UNC79: variants seen among roughly 807,000 people sequenced by gnomAD.
The protein encoded by UNC79 is protein unc-79 homolog.
In UNC79, 37 loss-of-function variants were observed where a neutral mutation model predicts 283.1. The ratio of observed to expected loss-of-function variants is 0.13; its 90% CI spans 0.10 to 0.17. UNC79 has a LOEUF of 0.17. UNC79 is among the 10% of genes least tolerant of loss of function. The pLI, the probability that UNC79 is intolerant of heterozygous loss-of-function variation, is 1.00. For missense variants in UNC79, 2,272 were observed against 3,211.1 expected, an observed-to-expected ratio of 0.71 and a Z score of 7.07; for synonymous variants, 1,107 against 1,200.2, an observed-to-expected ratio of 0.92 and a Z score of 1.61.
chr14:93,618,222 A>G, exon 29 of UNC79: 2 of 1,613,858 alleles, frequency 1.2e-6, no homozygotes, highest in Non-Finnish European at 1.7e-6. Context: ...TATCAGCAAG[A>G]TCCTGCTGCA....
At chr14:93,529,265 G>A in intron 9 of UNC79, 21 bp from the exon 10 acceptor site, 3 of 1,612,728 alleles carry the variant, frequency 1.9e-6, no homozygotes, top group Non-Finnish European at 2.5e-6. Context: ...GCTCAAAAAT[G>A]AATTTTGTTT....
chr14:93,584,060 G>A (rs1165195546), intron 20 of UNC79, among the ~76,000 whole-genome samples: 1 of 152,044 alleles, frequency 6.6e-6, no homozygotes, highest in Non-Finnish European at 1.5e-5. Context: ...ACCCGTCTCG[G>A]CCTCCCAAAG....
At chr14:93,705,347 CAAAAAAAAAAA>C (rs71129656) in intron 48 of UNC79, among the ~76,000 whole-genome samples, 2 of 87,520 alleles carry the variant, frequency 2.3e-5, no homozygotes, top group South Asian at 4.1e-4. Flanking sequence ...CCCAGTCTCT[CAAAAAAAAAAA>C]AAAAAAAAAA....
chr14:93,532,583 G>A lies in UNC79; in HGVS notation c.1122+5G>A, dbSNP rs1469274931. On this transcript the variant is annotated splice_donor_5th_base_variant and intron_variant, in intron 11 of 48. Coordinates refer to ENST00000555664, the Ensembl canonical transcript of UNC79. ...TCTGCTATATGTCAGAAAAAGGTAAGAGCAAACCATTTGTGTCGTTGGGGC... is the reference window on the plus strand; with the variant it reads ...TCTGCTATATGTCAGAAAAAGGTAAAAGCAAACCATTTGTGTCGTTGGGGC... The A allele has an allele frequency of 6.2e-7, 1 of 1,610,888 alleles. No individual in the cohort carries two copies. The highest frequency in any genetic ancestry group is 8.5e-7 in the Non-Finnish European group (1 of 1,178,340).
intron 26 of UNC79, among the ~76,000 whole-genome samples, chr14:93,606,407 A>C (rs534412911): frequency 6.7e-4 from 102 of 152,378 alleles, no homozygotes; most frequent in Non-Finnish European, 1.2e-3. Flanking sequence ...GGCTCAGTTT[A>C]TAAGGCAATT....
intron 38 of UNC79, among the ~76,000 whole-genome samples, chr14:93,658,249 T>C (rs2071167050): frequency 6.6e-6 from 1 of 152,348 alleles, no homozygotes; most frequent in African/African-American, 2.4e-5. Context: ...CATCAGTTTA[T>C]AGAAGCAGAT....
chr14:93,466,909 G>A (rs1377565815), intron 1 of UNC79: 1 of 985,372 alleles, frequency 1.0e-6, no homozygotes, highest in African/African-American at 1.7e-5. Flanking sequence ...GGTAGGTCTA[G>A]GAGGGTAAAT....
chr14:93,498,878 AAATG>A (rs1337695806), intron 7 of UNC79, among the ~76,000 whole-genome samples: 1 of 152,112 alleles, frequency 6.6e-6, no homozygotes, highest in Non-Finnish European at 1.5e-5. Context: ...AATTTTCTGA[AAATG>A]AGAGAGAGAG....
At chr14:93,554,586 A>G (rs760180346) in intron 14 of UNC79, among the ~76,000 whole-genome samples, 25 of 152,290 alleles carry the variant, frequency 1.6e-4, no homozygotes, top group Admixed American at 7.2e-4. Flanking sequence ...GGAAAACCCT[A>G]TTATTCTGAC....
chr14:93,351,979 GTATTTGAC>G (rs1278701266), intron 1 of UNC79, among the ~76,000 whole-genome samples: 2 of 152,186 alleles, frequency 1.3e-5, no homozygotes, highest in Non-Finnish European at 1.5e-5. Context: ...CACCTAAATG[GTATTTGAC>G]CAGATACCTG....
At chr14:93,608,846 A>T (rs570862517) in intron 26 of UNC79, among the ~76,000 whole-genome samples, 1 of 152,314 alleles carries the variant, frequency 6.6e-6, no homozygotes. Context: ...AGTTTAGTGC[A>T]CTTTGACAGA....
chr14:93,532,303 C>CAAAA (rs5810632), intron 10 of UNC79, among the ~76,000 whole-genome samples: 1 of 127,580 alleles, frequency 7.8e-6, no homozygotes, highest in Non-Finnish European at 1.6e-5. Flanking sequence ...CCCATGTCTA[C>CAAAA]AAAAAAAAAA....
At chr14:93,534,474 T>C (rs1488784448) in intron 11 of UNC79, among the ~76,000 whole-genome samples, 1 of 152,184 alleles carries the variant, frequency 6.6e-6, no homozygotes, top group African/African-American at 2.4e-5. Flanking sequence ...ATTGGGGTCC[T>C]GAGCCCCCAA....
At chr14:93,530,560 C>T (rs1350000816) in intron 10 of UNC79, among the ~76,000 whole-genome samples, 1 of 151,986 alleles carries the variant, frequency 6.6e-6, no homozygotes, top group Non-Finnish European at 1.5e-5. Flanking sequence ...TGCAGTGAGC[C>T]GTGATCATGC....
At chr14:93,594,800 C>T (rs1254584248) in intron 23 of UNC79, among the ~76,000 whole-genome samples, 1 of 152,094 alleles carries the variant, frequency 6.6e-6, no homozygotes, top group Non-Finnish European at 1.5e-5. Context: ...GGGTAGCAGG[C>T]GGGGTCGGCA....
intron 1 of UNC79, among the ~76,000 whole-genome samples, chr14:93,392,021 A>G (rs1430003840): frequency 6.6e-6 from 1 of 152,214 alleles, no homozygotes; most frequent in Admixed American, 6.5e-5. Flanking sequence ...ACAGTTTATC[A>G]TGATACAGTA....
At chr14:93,701,435 G>T (rs8009685) in intron 47 of UNC79, among the ~76,000 whole-genome samples, 87,036 of 151,940 alleles carry the variant, frequency 0.57, 25,833 homozygotes, top group Admixed American at 0.65. Flanking sequence ...TCTTCCATTT[G>T]TTCTGTAGCA....
At chr14:93,501,789 G>T (rs1248401287) in intron 7 of UNC79, among the ~76,000 whole-genome samples, 1 of 152,098 alleles carries the variant, frequency 6.6e-6, no homozygotes, top group Non-Finnish European at 1.5e-5. Context: ...AGGTTTTGGT[G>T]AACTTTAAAA....
chr14:93,440,821 C>T (rs964433829), intron 1 of UNC79, among the ~76,000 whole-genome samples: 2 of 152,014 alleles, frequency 1.3e-5, no homozygotes, highest in Admixed American at 1.3e-4. Flanking sequence ...TTCTGTAGCA[C>T]ATTGAGGTTT....
Sources: gnomAD v4.1 joint callset for allele counts (sites outside exome capture counted in the v4.1 genomes callset) on GRCh38, gnomAD v4.1.1 for gene constraint, MANE v1.5 for transcripts, NCBI Gene and HGNC (gene_info 2026-07-23, HGNC 2026-07-21) for gene names.